Variants in HMGXB4 observed in about 807,000 individuals in gnomAD.
The protein encoded by HMGXB4 is HMG domain-containing protein 4.
Under a neutral mutation model 63.9 loss-of-function variants are expected in HMGXB4, and 27 were observed. The observed-to-expected ratio is 0.42, with a 90% CI of 0.31 to 0.58. The LOEUF is 0.58. Ranked by LOEUF, HMGXB4 falls within the 20% of genes least tolerant of loss-of-function variation. The probability of loss-of-function intolerance (pLI) is 0.13; values close to 1 mark genes in which losing one functional copy is unlikely to be tolerated. For synonymous variants in HMGXB4, 264 were observed against 265.3 expected, an observed-to-expected ratio of 0.99 and a Z score of 0.05; for missense variants, 624 against 700.7, an observed-to-expected ratio of 0.89 and a Z score of 1.24.
rs1568996310 is a variant in HMGXB4 at position 35,264,908 on chromosome 22, C to G, written c.520C>G (p.Pro174Ala). Reference sequence around the variant, plus strand: ...CTCCCACAAATCGAAAAAAATGAAACCTCTCTATGTGAACACAGAGACACT... The same window carrying G: ...CTCCCACAAATCGAAAAAAATGAAAGCTCTCTATGTGAACACAGAGACACT... ...GGSHKSKKMK[P>A]LYVNTETLTL... The change falls in exon 5 of 11, where the codon CCT (proline) becomes GCT (alanine). Residue 174 changes from proline to alanine, a missense_variant. Physicochemically the swap from Pro to Ala is conservative, Grantham distance 27. This residue lies in a region of HMGXB4 where 472 missense variants were observed against 470.6 expected (regional missense o/e 1.00). Coordinates refer to ENST00000216106, the MANE Select transcript of HMGXB4 (RefSeq NM_001003681.3). 6.2e-7 allele frequency: 1 copy of G among 1,614,054 alleles called. No homozygotes were observed. The highest frequency in any genetic ancestry group is 1.1e-5 in the South Asian group (1 of 91,070).
At chr22:35,241,763 C>A in the HMGXB4 span, among the ~76,000 whole-genome samples, 6 of 152,330 alleles carry the variant, frequency 3.9e-5, no homozygotes, top group Admixed American at 3.3e-4. Context: ...TTGGGGCACT[C>A]ACAGTATTTG....
rs1569004437 is a variant in HMGXB4 at position 35,283,794 on chromosome 22, A to AT, written c.1216-168_1216-167insT. Reference sequence around the variant, plus strand: ...GACAGAGTGAGACTGTATCTCAAAAAATATATATATATATATTATCCTGTT... The same window carrying AT: ...GACAGAGTGAGACTGTATCTCAAAAATATATATATATATATATTATCCTGTT... On this transcript the variant is annotated intron_variant, in intron 5 of 10. Transcript: ENST00000216106. Among the ~76,000 whole-genome samples the AT allele has an allele frequency of 3.5e-4, 52 of 150,170 alleles. No individual in the cohort carries two copies. In the East Asian group the frequency reaches 5.5e-3, roughly 16 times the overall value.
rs745486695 is a variant in HMGXB4, at chr22:35,265,497, GAGC to G, written c.1117_1119del (p.Ala373del). On this transcript the variant is annotated inframe_deletion, in exon 5 of 11. Coordinates refer to ENST00000216106, the MANE Select transcript of HMGXB4 (RefSeq NM_001003681.3). ...CCTCCTCCCAGCATCCCATACGCTG[GAGC>G]AGCAGCACCTCCCCTGCCACTTCCT... 23 of 1,613,808 alleles carry G rather than the reference GAGC, an allele frequency of 1.4e-5. No individual in the cohort carries two copies. In the East Asian group the frequency reaches 5.1e-4, roughly 36 times the overall value.
At chr22:35,252,605 G>A (rs972684393), upstream of HMGXB4, among the ~76,000 whole-genome samples, 2 of 152,236 alleles carry the variant, frequency 1.3e-5, no homozygotes, top group Non-Finnish European at 2.9e-5. Context: ...TTATCTGTCA[G>A]TATCAAGTTA....
intron 5 of HMGXB4, among the ~76,000 whole-genome samples, chr22:35,273,070 A>G (rs1292986812): frequency 2.0e-5 from 3 of 152,322 alleles, no homozygotes; most frequent in South Asian, 4.1e-4. Context: ...ACACCCAGAC[A>G]TTGTTGATCT....
intron 5 of HMGXB4, among the ~76,000 whole-genome samples, chr22:35,273,210 A>G (rs887718097): frequency 1.3e-5 from 2 of 152,242 alleles, no homozygotes; most frequent in Non-Finnish European, 2.9e-5. Flanking sequence ...ATTGAGTGCC[A>G]GGCTCTCCTA....
At chr22:35,272,706 T>C (rs951884008) in intron 5 of HMGXB4, among the ~76,000 whole-genome samples, 1 of 151,824 alleles carries the variant, frequency 6.6e-6, no homozygotes, top group Non-Finnish European at 1.5e-5. Flanking sequence ...GAGGCCAAGG[T>C]GGGTGGATCA....
At chr22:35,264,524 G>A (rs1294573678) in intron 4 of HMGXB4, 124 bp from the exon 5 acceptor site, 1 of 702,116 alleles carries the variant, frequency 1.4e-6, no homozygotes, top group Non-Finnish European at 2.4e-6. Flanking sequence ...CAGTTAAAGG[G>A]TCTCCCTTCA....
At chr22:35,286,520 A>G (rs2145567488) in intron 7 of HMGXB4, among the ~76,000 whole-genome samples, 1 of 152,308 alleles carries the variant, frequency 6.6e-6, no homozygotes, top group East Asian at 1.9e-4. Flanking sequence ...CAAATAATGT[A>G]CTCTACTATC....
chr22:35,258,394 A>T (rs1186017797), intron 1 of HMGXB4: 1 of 152,224 alleles, frequency 6.6e-6, no homozygotes, highest in African/African-American at 2.4e-5. Flanking sequence ...GAACAAAGTA[A>T]AAAACTGAAT....
At chr22:35,257,202 A>G (rs1249024286), upstream of HMGXB4, among the ~76,000 whole-genome samples, 2 of 152,254 alleles carry the variant, frequency 1.3e-5, no homozygotes, top group Non-Finnish European at 2.9e-5. Context: ...TCGGTCTCAC[A>G]TTCCAACTAC....
the HMGXB4 span, among the ~76,000 whole-genome samples, chr22:35,248,700 C>T: frequency 1.3e-5 from 2 of 152,100 alleles, no homozygotes; most frequent in Non-Finnish European, 1.5e-5. Flanking sequence ...CCACTACACC[C>T]GGCTGGTCCC....
intron 9 of HMGXB4, among the ~76,000 whole-genome samples, chr22:35,289,748 T>A (rs1474605342): frequency 6.6e-6 from 1 of 152,228 alleles, no homozygotes. Context: ...AAAAATCACT[T>A]AACCTGCACA....
chr22:35,278,386 G>T (rs1446960338), intron 5 of HMGXB4, among the ~76,000 whole-genome samples: 1 of 152,170 alleles, frequency 6.6e-6, no homozygotes, highest in African/African-American at 2.4e-5. Context: ...CACAGCTGAT[G>T]GATTATATGT....
At chr22:35,262,522 T>C in intron 2 of HMGXB4, 101 bp downstream of exon 2, 1 of 1,166,106 alleles carries the variant, frequency 8.6e-7, no homozygotes. Flanking sequence ...CAGCCTGGAC[T>C]CCCAAGTGAT....
At chr22:35,269,184 C>T (rs1018054434) in intron 5 of HMGXB4, among the ~76,000 whole-genome samples, 1 of 152,178 alleles carries the variant, frequency 6.6e-6, no homozygotes, top group Non-Finnish European at 1.5e-5. Context: ...GGAGACCAGC[C>T]TGGCCAACAT....
chr22:35,254,121 G>C (rs1922298552), upstream of HMGXB4, among the ~76,000 whole-genome samples: 1 of 152,180 alleles, frequency 6.6e-6, no homozygotes, highest in Admixed American at 6.5e-5. Flanking sequence ...TCCAAACCAA[G>C]CACAATTTGA....
rs752583927 is a variant in HMGXB4, at chr22:35,263,050, C to G, written c.32-28C>G. 5.6e-6 allele frequency: 9 copies of G among 1,608,696 alleles called. 1 individual carries two copies. The South Asian group carries it at 1.0e-4, about 18-fold the overall frequency. Reference sequence around the variant, plus strand: ...ATTACTTACTTGACTTTCTCATTTCCTTTCCCAAATAAACCTGTGCTTCTC... The same window carrying G: ...ATTACTTACTTGACTTTCTCATTTCGTTTCCCAAATAAACCTGTGCTTCTC... On this transcript the variant is annotated intron_variant, in intron 2 of 10. Coordinates refer to ENST00000216106, the MANE Select transcript of HMGXB4 (RefSeq NM_001003681.3).
the HMGXB4 span, among the ~76,000 whole-genome samples, chr22:35,244,070 CCTT>C: frequency 6.6e-6 from 1 of 151,892 alleles, no homozygotes; most frequent in African/African-American, 2.4e-5. Flanking sequence ...GATTTGTTCA[CCTT>C]CTTGAATATT....
Sources: gnomAD v4.1 joint callset for allele counts (sites outside exome capture counted in the v4.1 genomes callset) on GRCh38, gnomAD v4.1.1 for gene constraint, gnomAD v4.1.1 regional missense constraint, MANE v1.5 for transcripts, NCBI Gene and HGNC (gene_info 2026-07-23, HGNC 2026-07-21) for gene names.